The following FLG variants were observed in gnomAD, a reference collection of about 807,000 sequenced individuals.
The protein encoded by FLG is filaggrin, also known as epidermal filaggrin.
FLG carries 6 observed loss-of-function variants against 3.8 expected under a neutral mutation model. That is an observed-to-expected ratio of 1.60 (90% CI 0.87 to 3.15). The LOEUF (loss-of-function observed/expected upper bound fraction) is 3.15, where lower values mean the gene tolerates loss of function less well. Ranked by LOEUF, FLG falls within the 30% of genes most tolerant of loss-of-function variation. The pLI is 0.00. For missense variants in FLG, 7,595 were observed against 5,050.9 expected (o/e 1.50, Z -15.27); for synonymous variants, 2,551 against 1,931.6 (o/e 1.32, Z -8.41).
At position 152,312,185 on chromosome 1, in the gene FLG, G is replaced by A. The variant is rs751111714; in HGVS notation, c.2701C>T (p.Gln901Ter). The A allele has an allele frequency of 6.2e-7, 1 of 1,614,022 alleles. No homozygotes were observed. The highest frequency in any genetic ancestry group is 8.5e-7 in the Non-Finnish European group (1 of 1,180,006). Reference protein sequence around the residue: ...SASRTTRNEEQSRDGSRHSGS... With the variant: ...SASRTTRNEE ...GAGTGCCTGGAGCCGTCTCTTGATT[G>A]TTCCTCATTACGTGTTGTTCTGCTT... is the stretch of plus-strand genomic sequence containing the variant. The change falls in exon 3 of 3, where the codon CAA becomes TAA. Residue 901 changes from glutamine (Q) to a stop codon, truncating the protein, a stop_gained. Coordinates refer to ENST00000368799, the MANE Select transcript of FLG (RefSeq NM_002016.2). LOFTEE classifies it low-confidence loss of function (END_TRUNC).
rs375267392 is a variant in FLG, at chr1:152,314,301, G to A, written c.585C>T (p.Asp195=). ...GTCTTTCACTTAGCCTCTTCCTATT[G>A]TCTCCTAATCTAGTATTTTCAGTCT... is the stretch of plus-strand genomic sequence containing the variant. The part of the protein sequence containing the change: ...KNKTENTRLG[D]NRKRLSERLE... Residue 195 remains aspartate (D), a synonymous_variant, in exon 3 of 3, where the codon GAC becomes GAT. Coordinates refer to ENST00000368799, the MANE Select transcript of FLG (RefSeq NM_002016.2). 9 of 1,612,594 alleles carry A rather than the reference G, an allele frequency of 5.6e-6. No homozygotes were observed. Among genetic ancestry groups the A allele is most frequent in the South Asian group, 1.1e-5 (1 of 91,012 alleles).
At position 152,313,667 on chromosome 1, in the gene FLG, A is replaced by T; in HGVS notation, c.1219T>A (p.Ser407Thr). The T allele has an allele frequency of 6.2e-7, 1 of 1,613,678 alleles. No individual in the cohort carries two copies. The highest frequency in any genetic ancestry group is 8.5e-7 in the Non-Finnish European group (1 of 1,179,930). The change falls in exon 3 of 3, where the codon TCT becomes ACT. Residue 407 changes from serine (S) to threonine (T), a missense_variant. Physicochemically the swap from Ser to Thr is moderately conservative, Grantham distance 58. Coordinates refer to ENST00000368799, the MANE Select transcript of FLG (RefSeq NM_002016.2). ...HSATGRGQASSAVSDRGHRGS... is the reference protein window; with the variant it reads ...HSATGRGQASTAVSDRGHRGS... ...CGGTGTCCACGATCGCTGACTGCAGATGAAGCTTGCCCGCGCCCAGTGGCT... is the reference window on the plus strand; with the variant it reads ...CGGTGTCCACGATCGCTGACTGCAGTTGAAGCTTGCCCGCGCCCAGTGGCT...
Position 152,310,524 on chromosome 1 carries a change from T to C in FLG, c.4362A>G (p.Thr1454=), listed in dbSNP as rs1462724443. Residue 1454 remains threonine (T), a synonymous_variant, in exon 3 of 3, where the codon ACA becomes ACG. Coordinates refer to ENST00000368799, the MANE Select transcript of FLG (RefSeq NM_002016.2). Reference sequence around the variant, plus strand: ...CAGTGCTGGGTGCAGTCTGTCCGTGTGTGGACTCAGACTGTTCATGAGAGC... The same window carrying C: ...CAGTGCTGGGTGCAGTCTGTCCGTGCGTGGACTCAGACTGTTCATGAGAGC... The part of the protein sequence containing the change: ...QVSSHEQSES[T]HGQTAPSTGG... 6.4e-5 allele frequency: 103 copies of C among 1,613,550 alleles called. No individual in the cohort carries two copies. The highest frequency in any genetic ancestry group is 8.5e-5 in the Non-Finnish European group (100 of 1,179,858).
rs75530805 is a variant in FLG at position 152,313,401 on chromosome 1, C to T, written c.1485G>A (p.Ser495=). 2.7e-3 allele frequency: 4,374 copies of T among 1,613,494 alleles called. 106 individuals carry two copies. In the African/African-American group the frequency reaches 0.051, roughly 19 times the overall value. Reference sequence around the variant, plus strand: ...AGCTGTCTCGTGCCTGCTCGTGGTGCGATCCTTGTCTTCCTCCAGTGCTGG... The same window carrying T: ...AGCTGTCTCGTGCCTGCTCGTGGTGTGATCCTTGTCTTCCTCCAGTGCTGG... ...TGTSTGGRQG[S]HHEQARDSSR... Residue 495 remains serine, a synonymous_variant, in exon 3 of 3, where the codon TCG becomes TCA. Transcript: ENST00000368799.
rs751349850 is a variant in FLG at position 152,304,536 on chromosome 1, G to T, written c.10350C>A (p.Tyr3450Ter). The change falls in exon 3 of 3, where the codon TAC becomes TAA. Residue 3450 changes from tyrosine to a stop codon, truncating the protein, a stop_gained. Coordinates refer to ENST00000368799, the MANE Select transcript of FLG (RefSeq NM_002016.2). LOFTEE classifies it low-confidence loss of function (END_TRUNC). ...GTCCAGACCTATCTACCGATTGCTC[G>T]TAGTGGGATCCCTGCCTTCCTCTTC... ...SSRRGRQGSH[Y>*]EQSVDRSGHS... is the part of the protein sequence containing the mutation. 4 of 1,611,712 alleles carry T rather than the reference G, an allele frequency of 2.5e-6. No homozygotes were observed. Among genetic ancestry groups the T allele is most frequent in the Admixed American group, 3.3e-5 (2 of 59,800 alleles).
rs138106153 is a variant in FLG at position 152,311,732 on chromosome 1, T to C, written c.3154A>G (p.Arg1052Gly). ...DSSRHSGIPRRQASSAVRDSG... is the reference protein window; with the variant it reads ...DSSRHSGIPRGQASSAVRDSG... ...TCTCTGACTGCAGATGAAGCTTGTC[T>C]GCGCGGAATGCCTGAGTGTCTGGAG... is the stretch of plus-strand genomic sequence containing the variant. The change falls in exon 3 of 3, where the codon AGA becomes GGA. Residue 1052 changes from arginine to glycine, a missense_variant. Arg to Gly is a moderately radical substitution (Grantham distance 125). Transcript: ENST00000368799. 1.2e-3 allele frequency: 1,888 copies of C among 1,614,010 alleles called. 14 individuals are homozygous for C. The East Asian group carries it at 0.024, about 21-fold the overall frequency.
In FLG at chr1:152,314,434, C is replaced by T. The variant is rs914183074; in HGVS notation, c.452G>A (p.Arg151Lys). The change falls in exon 3 of 3, where the codon AGG becomes AAG. Residue 151 changes from arginine to lysine, a missense_variant. Transcript: ENST00000368799. Reference sequence around the variant, plus strand: ...TTTTTTTTCAGAACTAGATTCATGCCTTTTCCCCCCTGTTTCTCTTGGGCT... The same window carrying T: ...TTTTTTTTCAGAACTAGATTCATGCTTTTTCCCCCCTGTTTCTCTTGGGCT... ...SKSPRETGGK[R>K]HESSSEKKER... 55 of 1,613,300 alleles carry T rather than the reference C, an allele frequency of 3.4e-5. No individual in the cohort carries two copies. The highest frequency in any genetic ancestry group is 2.3e-4 in the South Asian group (21 of 91,056).
chr1:152,307,695 T>C lies in FLG; in HGVS notation c.7191A>G (p.Gln2397=), dbSNP rs1652076109. The C allele has an allele frequency of 1.9e-6, 3 of 1,613,262 alleles. No homozygotes were observed. The highest frequency in any genetic ancestry group is 1.1e-5 in the South Asian group (1 of 91,012). ...CTGCTGACCGGCCACGTGTGGACTCTTGGTGGCTCTGCTGATGGGGCCCAG... is the reference window on the plus strand; with the variant it reads ...CTGCTGACCGGCCACGTGTGGACTCCTGGTGGCTCTGCTGATGGGGCCCAG... ...GQAGPHQQSH[Q]ESTRGRSAGR... Residue 2397 remains glutamine (Q), a synonymous_variant, in exon 3 of 3, where the codon CAA becomes CAG. Transcript: ENST00000368799.
chr1:152,315,354 C>T lies in FLG; in HGVS notation c.103G>A (p.Glu35Lys). The T allele has an allele frequency of 6.2e-7, 1 of 1,613,312 alleles. No homozygotes were observed. Among genetic ancestry groups the T allele is most frequent in the Non-Finnish European group, 8.5e-7 (1 of 1,179,544 alleles). The change falls in exon 2 of 3, where the codon GAA (glutamate) becomes AAA (lysine). Residue 35 changes from glutamate to lysine, a missense_variant. Transcript: ENST00000368799. ...TDTLSKKELK[E>K]LLEKEFRQIL... Reference sequence around the variant, plus strand: ...TGCCGAAATTCCTTTTCCAGAAGTTCCTTCAGCTCTTTTTTACTCAATGTG... The same window carrying T: ...TGCCGAAATTCCTTTTCCAGAAGTTTCTTCAGCTCTTTTTTACTCAATGTG...
chr1:152,307,259 T>C lies in FLG; in HGVS notation c.7627A>G (p.Ser2543Gly), dbSNP rs1328597997. ...TGGCCCACCTGCGAGTGTCCAGAGC[T>C]GTCGGCCCGAGAGGAAGCTTCATGG... ...RHHEASSRAD[S>G]SGHSQVGQGQ... Residue 2543 changes from serine (S) to glycine (G), a missense_variant, in exon 3 of 3, where the codon AGC becomes GGC. Physicochemically the swap from Ser to Gly is moderately conservative, Grantham distance 56. Transcript: ENST00000368799. The C allele has an allele frequency of 2.5e-6, 4 of 1,613,078 alleles. No homozygotes were observed. Among genetic ancestry groups the C allele is most frequent in the South Asian group, 1.1e-5 (1 of 91,066 alleles).
In FLG at chr1:152,309,689, A is replaced by C; in HGVS notation, c.5197T>G (p.Ser1733Ala). 1 of 1,613,576 alleles carries C rather than the reference A, an allele frequency of 6.2e-7. No homozygotes were observed. Among genetic ancestry groups the C allele is most frequent in the Non-Finnish European group, 8.5e-7 (1 of 1,179,886 alleles). Reference sequence around the variant, plus strand: ...CCAGCCTGTCCGTGGGCTGACACTGACTGTGTGTCTGACTCTTCTGAGTGT... The same window carrying C: ...CCAGCCTGTCCGTGGGCTGACACTGCCTGTGTGTCTGACTCTTCTGAGTGT... ...EGHSEESDTQ[S>A]VSAHGQAGPH... Residue 1733 changes from serine (S) to alanine (A), a missense_variant, in exon 3 of 3, where the codon TCA becomes GCA. Coordinates refer to ENST00000368799, the MANE Select transcript of FLG (RefSeq NM_002016.2).
chr1:152,304,850 G>C lies in FLG; in HGVS notation c.10036C>G (p.His3346Asp). The change falls in exon 3 of 3, where the codon CAT (histidine) becomes GAT (aspartate). Residue 3346 changes from histidine (H) to aspartate (D), a missense_variant. By Grantham distance (81) the His-to-Asp change is moderately conservative. Transcript: ENST00000368799. The stretch of plus-strand genomic sequence containing the variant: ...GACTGTGTGTCTGACTCTTCTGAAT[G>C]TCCCTCACTATCACTGGCCTGACTA... The part of the protein sequence containing the change: ...SGSQASDSEG[H>D]SEESDTQSVS... The C allele has an allele frequency of 6.2e-7, 1 of 1,613,866 alleles. No homozygotes were observed. Among genetic ancestry groups the C allele is most frequent in the Non-Finnish European group, 8.5e-7 (1 of 1,179,976 alleles).
chr1:152,307,576 C>A lies in FLG; in HGVS notation c.7310G>T (p.Gly2437Val), dbSNP rs575169730. 11 of 1,613,606 alleles carry A rather than the reference C, an allele frequency of 6.8e-6. No homozygotes were observed. The highest frequency in any genetic ancestry group is 3.3e-5 in the Admixed American group (2 of 59,980). The part of the protein sequence containing the change: ...AHGRTGTSTG[G>V]RQGSHHKQAR... ...CTGCTTGTGGTGGGATCCTTGTCTT[C>A]CTCCAGTGCTGGTCCCGGTCCGTCC... The change falls in exon 3 of 3, where the codon GGA becomes GTA. Residue 2437 changes from glycine to valine, a missense_variant. By Grantham distance (109) the Gly-to-Val change is moderately radical (BLOSUM62 -3). Transcript: ENST00000368799.
intron 1 of FLG, among the ~76,000 whole-genome samples, chr1:152,316,359 T>G (rs1294282559): frequency 6.6e-6 from 1 of 152,028 alleles, no homozygotes; most frequent in African/African-American, 2.4e-5. Context: ...ATAATAGAAT[T>G]TATAATTTCT....
chr1:152,319,857 A>G (rs1244731250), intron 1 of FLG, among the ~76,000 whole-genome samples: 1 of 151,524 alleles, frequency 6.6e-6, no homozygotes, highest in East Asian at 1.9e-4. Flanking sequence ...AGCAAGAAAG[A>G]ATAAGAACAA....
chr1:152,316,615 C>T (rs1358179601), intron 1 of FLG, among the ~76,000 whole-genome samples: 1 of 151,988 alleles, frequency 6.6e-6, no homozygotes, highest in Non-Finnish European at 1.5e-5. Context: ...CTTACAAATG[C>T]ATTTTAAAGT....
rs201398557 is a variant in FLG, at chr1:152,311,271, A to C, written c.3615T>G (p.Asp1205Glu). 5 of 1,613,788 alleles carry C rather than the reference A, an allele frequency of 3.1e-6. No homozygotes were observed. Among genetic ancestry groups the C allele is most frequent in the Middle Eastern group, 1.6e-4 (1 of 6,062 alleles). The change falls in exon 3 of 3, where the codon GAT (aspartate) becomes GAG (glutamate). Residue 1205 changes from aspartate (D) to glutamate (E), a missense_variant. Transcript: ENST00000368799. Reference protein sequence around the residue: ...HSHTTSQGRSDASHGQSGSRS... With the variant: ...HSHTTSQGRSEASHGQSGSRS... ...TGGATCCTGACTGCCCATGGGAGGC[A>C]TCAGACCTTCCCTGGGATGTGGTGT...
chr1:152,308,477 T>C lies in FLG; in HGVS notation c.6409A>G (p.Thr2137Ala), dbSNP rs201122647. The C allele has an allele frequency of 4.0e-5, 65 of 1,613,712 alleles. No homozygotes were observed. Among genetic ancestry groups the C allele is most frequent in the South Asian group, 4.0e-4 (36 of 91,042 alleles). ...CTTGGCCCCGGGTGTCCACGAATGG[T>C]GTCCTGACCCTCTTGGGATGCTGAG... ...RHSASQEGQD[T>A]IRGHPGPSRG... Residue 2137 changes from threonine (T) to alanine (A), a missense_variant, in exon 3 of 3, where the codon ACC becomes GCC. Thr to Ala is a moderately conservative substitution (Grantham distance 58). Coordinates refer to ENST00000368799, the MANE Select transcript of FLG (RefSeq NM_002016.2).
chr1:152,311,933 G>A lies in FLG; in HGVS notation c.2953C>T (p.Pro985Ser). 1.9e-6 allele frequency: 3 copies of A among 1,614,026 alleles called. No homozygotes were observed. Among genetic ancestry groups the A allele is most frequent in the South Asian group, 1.1e-5 (1 of 91,072 alleles). ...QEQSRHGSRH[P>S]RSHHEDRAGH... Reference sequence around the variant, plus strand: ...GCTCTGTCTTCGTGATGGGACCTGGGGTGTCTGGAGCCATGTCTTGACTGC... The same window carrying A: ...GCTCTGTCTTCGTGATGGGACCTGGAGTGTCTGGAGCCATGTCTTGACTGC... Residue 985 changes from proline to serine, a missense_variant, in exon 3 of 3, where the codon CCC (proline) becomes TCC (serine). By Grantham distance (74) the Pro-to-Ser change is moderately conservative (BLOSUM62 -1). Coordinates refer to ENST00000368799, the MANE Select transcript of FLG (RefSeq NM_002016.2).
Sources: gnomAD v4.1 joint callset for allele counts (sites outside exome capture counted in the v4.1 genomes callset) on GRCh38, gnomAD v4.1.1 for gene constraint, MANE v1.5 for transcripts, NCBI Gene and HGNC (gene_info 2026-07-23, HGNC 2026-07-21) for gene names.